PRR16: variants seen among roughly 807,000 people sequenced by gnomAD.
PRR16 encodes the protein protein Largen.
A neutral mutation model predicts 18.2 loss-of-function variants in PRR16; 6 were observed. That is an observed-to-expected ratio of 0.33 (90% confidence interval 0.18 to 0.65). The LOEUF is 0.65. Ranked by LOEUF, PRR16 falls within the 30% of genes least tolerant of loss-of-function variation. The probability of loss-of-function intolerance (pLI) is 0.74; values close to 1 mark genes in which losing one functional copy is unlikely to be tolerated. For synonymous variants in PRR16, 151 were observed against 147.8 expected (o/e 1.02, Z -0.16); for missense variants, 412 against 376.6 (o/e 1.09, Z -0.78).
chr5:120,708,978 C>CTTTTTTTTTTTTTTTT, the PRR16 span, among the ~76,000 whole-genome samples: 1 of 43,650 alleles, frequency 2.3e-5, no homozygotes, highest in African/African-American at 9.5e-5. Context: ...CTCTTTGGTA[C>CTTTTTTTTTTTTTTTT]TTTTTTTTTT....
chr5:120,734,100 CAG>C, the PRR16 span, among the ~76,000 whole-genome samples: 1 of 152,136 alleles, frequency 6.6e-6, no homozygotes, highest in Non-Finnish European at 1.5e-5. Flanking sequence ...GAGTGGCACA[CAG>C]GGGATGTAAG....
intron 1 of PRR16, among the ~76,000 whole-genome samples, chr5:120,588,481 C>T (rs527599468): frequency 4.7e-4 from 72 of 152,302 alleles, no homozygotes; most frequent in African/African-American, 1.7e-3. Flanking sequence ...CTATTGCTAA[C>T]AAGGCAAGAG....
At chr5:120,624,414 G>A (rs1754794721) in intron 1 of PRR16, among the ~76,000 whole-genome samples, 2 of 152,084 alleles carry the variant, frequency 1.3e-5, no homozygotes, top group African/African-American at 4.8e-5. Flanking sequence ...AACTGATCAT[G>A]CCTCCATTTG....
chr5:120,613,388 A>G (rs911000781), intron 1 of PRR16, among the ~76,000 whole-genome samples: 2 of 151,768 alleles, frequency 1.3e-5, no homozygotes, highest in African/African-American at 4.8e-5. Context: ...TTCTGTTTAC[A>G]TTTTTTAAAA....
intron 1 of PRR16, among the ~76,000 whole-genome samples, chr5:120,656,919 T>A (rs1755999007): frequency 6.6e-6 from 1 of 152,000 alleles, no homozygotes; most frequent in South Asian, 2.1e-4. Flanking sequence ...GTAGGAATAT[T>A]TGAGGTTAAA....
At chr5:120,693,789 T>G in the PRR16 span, among the ~76,000 whole-genome samples, 4 of 152,192 alleles carry the variant, frequency 2.6e-5, no homozygotes, top group Admixed American at 6.5e-5. Flanking sequence ...TTTCCTTTAT[T>G]TACTCAAACT....
At chr5:120,714,222 T>C in the PRR16 span, among the ~76,000 whole-genome samples, 1 of 152,284 alleles carries the variant, frequency 6.6e-6, no homozygotes. Context: ...ATTAGAATAT[T>C]TATTAAAATC....
At chr5:120,501,349 T>G (rs1750446159) in intron 1 of PRR16, among the ~76,000 whole-genome samples, 1 of 152,160 alleles carries the variant, frequency 6.6e-6, no homozygotes, top group South Asian at 2.1e-4. Flanking sequence ...ATCAAAAGCT[T>G]AACTAGTTGC....
At chr5:120,519,187 G>A (rs145757166) in intron 1 of PRR16, among the ~76,000 whole-genome samples, 9 of 152,106 alleles carry the variant, frequency 5.9e-5, no homozygotes, top group African/African-American at 2.2e-4. Context: ...CAGCAGGTAT[G>A]TGCTTCTCAG....
the PRR16 span, among the ~76,000 whole-genome samples, chr5:120,759,487 CAGTAAAAATAT>C: frequency 6.6e-6 from 1 of 152,012 alleles, no homozygotes; most frequent in Middle Eastern, 3.4e-3. Flanking sequence ...AATATAGATA[CAGTAAAAATAT>C]AAGTGGCTTC....
At chr5:120,497,592 T>C (rs1230513557) in intron 1 of PRR16, among the ~76,000 whole-genome samples, 1 of 151,794 alleles carries the variant, frequency 6.6e-6, no homozygotes, top group Non-Finnish European at 1.5e-5. Flanking sequence ...GGTTTCACTA[T>C]GTTGGCCAGA....
intron 1 of PRR16, among the ~76,000 whole-genome samples, chr5:120,533,479 A>G (rs1421404688): frequency 6.6e-6 from 1 of 152,184 alleles, no homozygotes; most frequent in Non-Finnish European, 1.5e-5. Context: ...AGGGGATTTG[A>G]GTGCTAAGGG....
the PRR16 span, among the ~76,000 whole-genome samples, chr5:120,788,169 T>C: frequency 6.6e-6 from 1 of 152,094 alleles, no homozygotes. Flanking sequence ...AATTTTTTAC[T>C]ATGAATGTTT....
At chr5:120,729,418 G>T in the PRR16 span, among the ~76,000 whole-genome samples, 1 of 152,180 alleles carries the variant, frequency 6.6e-6, no homozygotes, top group East Asian at 1.9e-4. Flanking sequence ...ATGAAGAGTT[G>T]TATGAAAACA....
chr5:120,568,616 T>C (rs1752807434), intron 1 of PRR16, among the ~76,000 whole-genome samples: 1 of 152,206 alleles, frequency 6.6e-6, no homozygotes, highest in Non-Finnish European at 1.5e-5. Flanking sequence ...GTTGATTTGT[T>C]GTCTATATTA....
chr5:120,652,696 G>A (rs2150132680), intron 1 of PRR16, among the ~76,000 whole-genome samples: 1 of 152,058 alleles, frequency 6.6e-6, no homozygotes, highest in African/African-American at 2.4e-5. Flanking sequence ...GAGAAATTGA[G>A]AGAGCCTAAG....
At chr5:120,580,772 A>C (rs902012655) in intron 1 of PRR16, among the ~76,000 whole-genome samples, 2 of 152,142 alleles carry the variant, frequency 1.3e-5, no homozygotes, top group Admixed American at 6.6e-5. Flanking sequence ...ACTTTTCTGC[A>C]TCTATTGAGA....
the PRR16 span, among the ~76,000 whole-genome samples, chr5:120,787,208 C>CA: frequency 2.0e-5 from 3 of 151,576 alleles, no homozygotes; most frequent in African/African-American, 4.8e-5. Flanking sequence ...AGTAAACATG[C>CA]AAAAAAATGT....
At chr5:120,491,415 T>C (rs1257784201) in intron 1 of PRR16, among the ~76,000 whole-genome samples, 1 of 148,834 alleles carries the variant, frequency 6.7e-6, no homozygotes, top group African/African-American at 2.5e-5. Flanking sequence ...TAAAGGCATA[T>C]ACCCTTTCCT....
Sources: allele counts gnomAD v4.1 joint callset (sites outside exome capture counted in the v4.1 genomes callset), GRCh38; gene constraint gnomAD v4.1.1; transcripts MANE v1.5; gene names NCBI Gene and HGNC (gene_info 2026-07-23, HGNC 2026-07-21).